The following PIGY variants were observed in gnomAD, a reference collection of about 807,000 sequenced individuals.
PIGY encodes phosphatidylinositol N-acetylglucosaminyltransferase subunit Y.
Under a neutral mutation model 4.1 loss-of-function variants are expected in PIGY, and 3 were observed. That is an observed-to-expected ratio of 0.73 (90% CI 0.33 to 1.89). The LOEUF is 1.89. Ranked by LOEUF, PIGY falls within the 40% of genes most tolerant of loss-of-function variation. The probability of loss-of-function intolerance (pLI) is 0.08; values close to 1 mark genes in which losing one functional copy is unlikely to be tolerated. For missense variants in PIGY, 78 were observed against 80.3 expected, an observed-to-expected ratio of 0.97 and a Z score of 0.11; for synonymous variants, 33 against 31.4, an observed-to-expected ratio of 1.05 and a Z score of -0.18.
In PIGY at chr4:88,523,719, C is replaced by CAGGCCTCACCGCAGCCT; in HGVS notation, c.-479_-463dup. 7.0e-7 allele frequency: 1 copy of CAGGCCTCACCGCAGCCT among 1,429,888 alleles called. No homozygotes were observed. Among genetic ancestry groups the CAGGCCTCACCGCAGCCT allele is most frequent in the Non-Finnish European group, 9.1e-7 (1 of 1,099,634 alleles). The allele number at this position is 1,429,888 out of a possible 1,614,324, so 88.6% of individuals were successfully genotyped here. A position where few individuals can be genotyped will look rare whatever the true frequency, so the allele number is the denominator to read the frequency against. The stretch of plus-strand genomic sequence containing the variant: ...TCAGCATGGTCTGGCAGCCGGAGAC[C>CAGGCCTCACCGCAGCCT]AGGCCTCACCGCAGCCTCGCCACCC... On this transcript the variant is annotated 5_prime_UTR_variant, in exon 1 of 2. Transcript: ENST00000527353.
At position 88,523,649 on chromosome 4, in the gene PIGY, C is replaced by T; in HGVS notation, c.-392G>A. 1 of 1,538,494 alleles carries T rather than the reference C, an allele frequency of 6.5e-7. No individual in the cohort carries two copies. The highest frequency in any genetic ancestry group is 8.7e-7 in the Non-Finnish European group (1 of 1,144,208). The stretch of plus-strand genomic sequence containing the variant: ...CTACGGGCGACCGCGGACGGCGGCG[C>T]GCGCGTTCCCCGCAGCGCTGAGGCG... On this transcript the variant is annotated 5_prime_UTR_variant, in exon 1 of 2. Coordinates refer to ENST00000527353, the MANE Select transcript of PIGY (RefSeq NM_001042616.3).
In PIGY at chr4:88,522,743, C is replaced by G. The variant is rs1341727741; in HGVS notation, c.-240-714G>C. Reference sequence around the variant, plus strand: ...AGCTTGGAAACTGTAGAGCTGTCTTCCCAAAAACTAGTTAAAGAGGCTTCT... The same window carrying G: ...AGCTTGGAAACTGTAGAGCTGTCTTGCCAAAAACTAGTTAAAGAGGCTTCT... On this transcript the variant is annotated intron_variant, in intron 1 of 1. Transcript: ENST00000527353. Among the ~76,000 whole-genome samples the G allele has an allele frequency of 5.3e-5, 8 of 152,148 alleles. 1 individual carries two copies. The South Asian group carries it at 1.0e-3, about 20-fold the overall frequency.
At chr4:88,522,413 C>T (rs1742403652) in intron 1 of PIGY, among the ~76,000 whole-genome samples, 1 of 152,146 alleles carries the variant, frequency 6.6e-6, no homozygotes, top group Non-Finnish European at 1.5e-5. Flanking sequence ...AAATCAACTT[C>T]TTCATTTTAG....
At chr4:88,523,225 T>G (rs1180994241) in intron 1 of PIGY, among the ~76,000 whole-genome samples, 1 of 152,184 alleles carries the variant, frequency 6.6e-6, no homozygotes, top group African/African-American at 2.4e-5. Context: ...CCCCGGGTGA[T>G]TGCAATGCGC....
Position 88,521,816 on chromosome 4 carries a change from CTG to C in PIGY, c.-29_-28del, listed in dbSNP as rs2149117395. 2 of 1,597,710 alleles carry C rather than the reference CTG, an allele frequency of 1.3e-6. No homozygotes were observed. Among genetic ancestry groups the C allele is most frequent in the Non-Finnish European group, 1.7e-6 (2 of 1,171,310 alleles). ...CTTCTCTTCCACTTATTACCTGCCA[CTG>C]TGTTTTAAAAGGTATATGGTATTAA... On this transcript the variant is annotated 5_prime_UTR_variant, in exon 2 of 2. Transcript: ENST00000527353.
chr4:88,523,696 A>T lies in PIGY; in HGVS notation c.-439T>A. 4 of 1,475,498 alleles carry T rather than the reference A, an allele frequency of 2.7e-6. No individual in the cohort carries two copies. The highest frequency in any genetic ancestry group is 3.6e-6 in the Non-Finnish European group (4 of 1,120,850). 91.4% of individuals were successfully genotyped at this position (1,475,498 alleles called of 1,614,324 possible). ...GGCGAGCCTGCAGCGTGCTCCACTC[A>T]GCATGGTCTGGCAGCCGGAGACCAG... On this transcript the variant is annotated 5_prime_UTR_variant, in exon 1 of 2. Coordinates refer to ENST00000527353, the MANE Select transcript of PIGY (RefSeq NM_001042616.3).
rs779936177 is a variant in PIGY, at chr4:88,521,869, A to C, written c.-80T>G. Reference sequence around the variant, plus strand: ...GAAAAGTTGGCTGTTGCGTTTTTTTAATTTTTTTAAATTATGAACTAGCGC... The same window carrying C: ...GAAAAGTTGGCTGTTGCGTTTTTTTCATTTTTTTAAATTATGAACTAGCGC... On this transcript the variant is annotated 5_prime_UTR_variant, in exon 2 of 2. It adds an upstream start codon to the 5' untranslated region. Coordinates refer to ENST00000527353, the MANE Select transcript of PIGY (RefSeq NM_001042616.3). 1.3e-6 allele frequency: 2 copies of C among 1,540,644 alleles called. No homozygotes were observed. The highest frequency in any genetic ancestry group is 4.9e-5 in the East Asian group (2 of 40,970).
Position 88,521,536 on chromosome 4 carries a change from C to A in PIGY, c.*38G>T. The A allele has an allele frequency of 6.6e-7, 1 of 1,523,316 alleles. No individual in the cohort carries two copies. Among genetic ancestry groups the A allele is most frequent in the Non-Finnish European group, 9.1e-7 (1 of 1,103,080 alleles). 94.4% of individuals were successfully genotyped at this position (1,523,316 alleles called of 1,614,324 possible). A position where few individuals can be genotyped will look rare whatever the true frequency, so the allele number is the denominator to read the frequency against. On this transcript the variant is annotated 3_prime_UTR_variant, in exon 2 of 2. Coordinates refer to ENST00000527353, the MANE Select transcript of PIGY (RefSeq NM_001042616.3). Reference sequence around the variant, plus strand: ...GCTTTCAGAGATCGATGCCCAAGAGCTATCATTAATATATACAGCATATTG... The same window carrying A: ...GCTTTCAGAGATCGATGCCCAAGAGATATCATTAATATATACAGCATATTG...
At position 88,521,610 on chromosome 4, in the gene PIGY, C is replaced by A; in HGVS notation, c.180G>T (p.Trp60Cys). 1 of 1,613,788 alleles carries A rather than the reference C, an allele frequency of 6.2e-7. No individual in the cohort carries two copies. The highest frequency in any genetic ancestry group is 2.2e-5 in the East Asian group (1 of 44,880). ...TGAAGAGTTTAATACCCATCCAAGT[C>A]CAAAGGTGGAAGAATACATACACTG... Reference protein sequence around the residue: ...TIPVYVFFHLWTWMGIKLFRH... With the variant: ...TIPVYVFFHLCTWMGIKLFRH... The change falls in exon 2 of 2, where the codon TGG becomes TGT. Residue 60 changes from tryptophan (W) to cysteine (C), a missense_variant. Coordinates refer to ENST00000527353, the MANE Select transcript of PIGY (RefSeq NM_001042616.3).
chr4:88,523,429 G>A, intron 1 of PIGY, 69 bp downstream of exon 1: 2 of 1,502,498 alleles, frequency 1.3e-6, no homozygotes, highest in Non-Finnish European at 1.8e-6. Context: ...GCTGCAAGAG[G>A]CCGCGGTCCA....
In PIGY at chr4:88,521,801, A is replaced by G. The variant is rs896291167; in HGVS notation, c.-12T>C. The G allele has an allele frequency of 1.9e-6, 3 of 1,605,934 alleles. No homozygotes were observed. The highest frequency in any genetic ancestry group is 3.4e-5 in the Admixed American group (2 of 58,900). On this transcript the variant is annotated 5_prime_UTR_variant, in exon 2 of 2. Transcript: ENST00000527353. ...AGAGACAGAAACATTCTTCTCTTCC[A>G]CTTATTACCTGCCACTGTGTTTTAA... is the stretch of plus-strand genomic sequence containing the variant.
In PIGY at chr4:88,521,937, G is replaced by A. The variant is rs755891988; in HGVS notation, c.-148C>T. 2 of 1,551,424 alleles carry A rather than the reference G, an allele frequency of 1.3e-6. No homozygotes were observed. The highest frequency in any genetic ancestry group is 1.7e-6 in the Non-Finnish European group (2 of 1,146,934). On this transcript the variant is annotated 5_prime_UTR_variant, in exon 2 of 2. Coordinates refer to ENST00000527353, the MANE Select transcript of PIGY (RefSeq NM_001042616.3). ...CTTCTTACTTTGACGTGTCATCCTA[G>A]CTGCCTGTGGTATCATATTAGGGAT... is the stretch of plus-strand genomic sequence containing the variant.
At chr4:88,522,640 A>G (rs931240532) in intron 1 of PIGY, among the ~76,000 whole-genome samples, 2 of 152,254 alleles carry the variant, frequency 1.3e-5, no homozygotes, top group Non-Finnish European at 2.9e-5. Flanking sequence ...CTACCATTCA[A>G]AGATAACCAC....
At position 88,523,731 on chromosome 4, in the gene PIGY, C is replaced by T; in HGVS notation, c.-474G>A. On this transcript the variant is annotated 5_prime_UTR_variant, in exon 1 of 2. Transcript: ENST00000527353. ...GGCAGCCGGAGACCAGGCCTCACCG[C>T]AGCCTCGCCACCCGTGGCCGAGCTC... The T allele has an allele frequency of 9.2e-6, 13 of 1,413,090 alleles. No individual in the cohort carries two copies. The highest frequency in any genetic ancestry group is 1.1e-5 in the Non-Finnish European group (12 of 1,091,024). 87.5% of individuals were successfully genotyped at this position (1,413,090 alleles called of 1,614,324 possible).
chr4:88,523,729 C>G lies in PIGY; in HGVS notation c.-472G>C. 2 of 1,415,356 alleles carry G rather than the reference C, an allele frequency of 1.4e-6. No individual in the cohort carries two copies. Among genetic ancestry groups the G allele is most frequent in the Non-Finnish European group, 9.2e-7 (1 of 1,092,282 alleles). The allele number at this position is 1,415,356 out of a possible 1,614,324, so 87.7% of individuals were successfully genotyped here. ...CTGGCAGCCGGAGACCAGGCCTCAC[C>G]GCAGCCTCGCCACCCGTGGCCGAGC... On this transcript the variant is annotated 5_prime_UTR_variant, in exon 1 of 2. Coordinates refer to ENST00000527353, the MANE Select transcript of PIGY (RefSeq NM_001042616.3).
chr4:88,521,728 A>T lies in PIGY; in HGVS notation c.62T>A (p.Phe21Tyr), dbSNP rs769973753. The change falls in exon 2 of 2, where the codon TTC becomes TAC. Residue 21 changes from phenylalanine (F) to tyrosine (Y), a missense_variant. Coordinates refer to ENST00000527353, the MANE Select transcript of PIGY (RefSeq NM_001042616.3). ...LIPLVSLAGL[F>Y]YSASVEENFP... ...GTTTTCTTCCACAGAGGCTGAGTAGAACAGTCCTGCTAAAGAAACCAGTGG... is the reference window on the plus strand; with the variant it reads ...GTTTTCTTCCACAGAGGCTGAGTAGTACAGTCCTGCTAAAGAAACCAGTGG... 3.1e-6 allele frequency: 5 copies of T among 1,613,888 alleles called. No individual in the cohort carries two copies. The South Asian group carries it at 5.5e-5, about 18-fold the overall frequency.
chr4:88,523,467 T>C, intron 1 of PIGY, 31 bp downstream of exon 1: 1 of 1,549,026 alleles, frequency 6.5e-7, no homozygotes, highest in Non-Finnish European at 8.7e-7. Context: ...ACCGGGAGGC[T>C]GCAAAGGAAG....
chr4:88,521,872 T>G lies in PIGY; in HGVS notation c.-83A>C. On this transcript the variant is annotated 5_prime_UTR_variant, in exon 2 of 2. Transcript: ENST00000527353. ...AAGTTGGCTGTTGCGTTTTTTTAAT[T>G]TTTTTAAATTATGAACTAGCGCTGC... is the stretch of plus-strand genomic sequence containing the variant. 1 of 1,541,582 alleles carries G rather than the reference T, an allele frequency of 6.5e-7. No homozygotes were observed. Among genetic ancestry groups the G allele is most frequent in the Non-Finnish European group, 8.7e-7 (1 of 1,144,714 alleles).
In PIGY at chr4:88,523,545, C is replaced by T. The variant is rs1421304560; in HGVS notation, c.-288G>A. 1 of 1,551,128 alleles carries T rather than the reference C, an allele frequency of 6.4e-7. No individual in the cohort carries two copies. The highest frequency in any genetic ancestry group is 8.7e-7 in the Non-Finnish European group (1 of 1,146,866). On this transcript the variant is annotated 5_prime_UTR_variant, in exon 1 of 2. Coordinates refer to ENST00000527353, the MANE Select transcript of PIGY (RefSeq NM_001042616.3). Reference sequence around the variant, plus strand: ...GGCACACCAGGAACTCCAGCAGCGCCGGATCGAAGTCGCGGGGCGGCTCCT... The same window carrying T: ...GGCACACCAGGAACTCCAGCAGCGCTGGATCGAAGTCGCGGGGCGGCTCCT...
Sources: gnomAD v4.1 joint callset for allele counts (sites outside exome capture counted in the v4.1 genomes callset) on GRCh38, gnomAD v4.1.1 for gene constraint, MANE v1.5 for transcripts, NCBI Gene and HGNC (gene_info 2026-07-23, HGNC 2026-07-21) for gene names.